Variants in NCOA2 observed in about 807,000 individuals in gnomAD.
NCOA2 encodes class E basic helix-loop-helix protein 75.
Under a neutral mutation model 145.1 loss-of-function variants are expected in NCOA2, and 21 were observed. The observed-to-expected ratio is 0.14, with a 90% CI of 0.10 to 0.21. The LOEUF (loss-of-function observed/expected upper bound fraction) is 0.21. Among genes scored for constraint, NCOA2 ranks in the 10% least tolerant of loss-of-function variants. NCOA2 has a pLI of 1.00. For missense variants in NCOA2, 1,472 were observed against 1,837.6 expected, an observed-to-expected ratio of 0.80 and a Z score of 3.64; for synonymous variants, 619 against 637.5, an observed-to-expected ratio of 0.97 and a Z score of 0.44.
the NCOA2 span, among the ~76,000 whole-genome samples, chr8:70,446,227 G>T: frequency 7.2e-5 from 11 of 152,286 alleles, 1 homozygote; most frequent in South Asian, 2.3e-3. Flanking sequence ...GGCTCACTCG[G>T]AGAACTGGGA....
chr8:70,433,282 G>T, the NCOA2 span, among the ~76,000 whole-genome samples: 1 of 151,930 alleles, frequency 6.6e-6, no homozygotes, highest in Admixed American at 6.6e-5. Flanking sequence ...AGTACACAAG[G>T]CACTGTAGGG....
chr8:70,151,363 C>T (rs1326574393), intron 11 of NCOA2, among the ~76,000 whole-genome samples: 1 of 152,004 alleles, frequency 6.6e-6, no homozygotes, highest in Admixed American at 6.6e-5. Flanking sequence ...TCTAGGCTCA[C>T]TGCAACCTCC....
chr8:70,455,349 A>G, the NCOA2 span, among the ~76,000 whole-genome samples: 1 of 152,368 alleles, frequency 6.6e-6, no homozygotes, highest in Admixed American at 6.5e-5. Context: ...CCTATCGGAA[A>G]GGGAATGGGA....
chr8:70,118,688 A>AT (rs745330846), intron 22 of NCOA2, among the ~76,000 whole-genome samples: 4,320 of 135,862 alleles, frequency 0.032, 192 homozygotes, highest in African/African-American at 0.1. Context: ...CTGGGGGAGG[A>AT]TTTTTTTTTT....
At chr8:70,364,695 T>C (rs2131100065) in intron 1 of NCOA2, among the ~76,000 whole-genome samples, 1 of 150,802 alleles carries the variant, frequency 6.6e-6, no homozygotes, top group African/African-American at 2.4e-5. Context: ...CAAATGCATC[T>C]GACACAGTCT....
At chr8:70,376,475 T>C (rs1811678157) in intron 1 of NCOA2, among the ~76,000 whole-genome samples, 1 of 152,166 alleles carries the variant, frequency 6.6e-6, no homozygotes, top group African/African-American at 2.4e-5. Context: ...TCTAGTTTTG[T>C]TTTGTTTTTA....
At chr8:70,433,049 G>A in the NCOA2 span, among the ~76,000 whole-genome samples, 1 of 152,026 alleles carries the variant, frequency 6.6e-6, no homozygotes, top group Admixed American at 6.6e-5. Flanking sequence ...TTGAAAAAGT[G>A]GACTGGATAT....
At chr8:70,167,789 C>T (rs1485166345) in intron 6 of NCOA2, among the ~76,000 whole-genome samples, 2 of 152,072 alleles carry the variant, frequency 1.3e-5, no homozygotes, top group Non-Finnish European at 1.5e-5. Flanking sequence ...TTTTGAAATG[C>T]ATTAGAGATA....
At chr8:70,273,861 A>T in intron 2 of NCOA2, 1 of 547,180 alleles carries the variant, frequency 1.8e-6, no homozygotes, top group South Asian at 1.4e-5. Flanking sequence ...AACTTCAGTG[A>T]CTCAACTTCT....
chr8:70,241,163 A>G (rs920942280), intron 2 of NCOA2, among the ~76,000 whole-genome samples: 3 of 152,162 alleles, frequency 2.0e-5, no homozygotes, highest in African/African-American at 7.2e-5. Context: ...TGAATGCTCC[A>G]TCATAGCAAT....
chr8:70,160,557 T>C (rs902765422), intron 9 of NCOA2, among the ~76,000 whole-genome samples: 1 of 152,154 alleles, frequency 6.6e-6, no homozygotes, highest in Admixed American at 6.5e-5. Context: ...GGCTACTATG[T>C]TGCTACCACA....
At chr8:70,402,735 G>C (rs1475702428) in intron 1 of NCOA2, 4 of 152,384 alleles carry the variant, frequency 2.6e-5, no homozygotes, top group Admixed American at 2.0e-4. Flanking sequence ...CGAGAAAAGG[G>C]GGCGCTGGCG....
upstream of NCOA2, among the ~76,000 whole-genome samples, chr8:70,406,038 G>A (rs1814772698): frequency 6.6e-6 from 1 of 152,176 alleles, no homozygotes; most frequent in Non-Finnish European, 1.5e-5. Context: ...TGCTGTAACA[G>A]TAGTCTGTCT....
At position 70,111,379 on chromosome 8, in the gene NCOA2, A is replaced by C; in HGVS notation, c.*2253T>G. 1 of 223,390 alleles carries C rather than the reference A, an allele frequency of 4.5e-6. No individual in the cohort carries two copies. The highest frequency in any genetic ancestry group is 8.9e-6 in the Non-Finnish European group (1 of 111,826). 13.8% of individuals were successfully genotyped at this position (223,390 alleles called of 1,614,324 possible). The stretch of plus-strand genomic sequence containing the variant: ...GAAGTTAAAAGTCATTCTAATTCAC[A>C]TATTTCTGAACATTAAAACTGGTCA... On this transcript the variant is annotated 3_prime_UTR_variant, in exon 23 of 23. Transcript: ENST00000452400.
intron 2 of NCOA2, among the ~76,000 whole-genome samples, chr8:70,257,416 A>AT (rs1286289829): frequency 1.3e-5 from 2 of 152,216 alleles, no homozygotes; most frequent in African/African-American, 4.8e-5. Flanking sequence ...AACCAATCAG[A>AT]TAAGTATCTT....
chr8:70,448,805 C>CT, the NCOA2 span, among the ~76,000 whole-genome samples: 64 of 143,756 alleles, frequency 4.5e-4, 1 homozygote, highest in Admixed American at 1.2e-3. Context: ...TGTTGCCTGG[C>CT]TTTTTTTTTT....
chr8:70,241,628 C>T (rs1336443213), intron 2 of NCOA2, among the ~76,000 whole-genome samples: 1 of 152,156 alleles, frequency 6.6e-6, no homozygotes, highest in East Asian at 1.9e-4. Flanking sequence ...AACCCAGCAT[C>T]ATCTGAACTC....
At chr8:70,281,355 CAAAAAAAAAAAAA>C (rs372574771) in intron 2 of NCOA2, among the ~76,000 whole-genome samples, 38 of 61,018 alleles carry the variant, frequency 6.2e-4, no homozygotes, top group East Asian at 1.2e-3. Context: ...GACCCTGTCT[CAAAAAAAAAAAAA>C]AAAAAAAAAA....
chr8:70,160,086 A>T (rs933934465), intron 9 of NCOA2, among the ~76,000 whole-genome samples: 6 of 152,150 alleles, frequency 3.9e-5, no homozygotes, highest in African/African-American at 1.4e-4. Context: ...ATATGAAAAT[A>T]AAATTTATGA....
Sources: allele counts gnomAD v4.1 joint callset (sites outside exome capture counted in the v4.1 genomes callset), GRCh38; gene constraint gnomAD v4.1.1; transcripts MANE v1.5; gene names NCBI Gene and HGNC (gene_info 2026-07-23, HGNC 2026-07-21).